The following NTM variants were observed in gnomAD, a reference collection of about 807,000 sequenced individuals.
NTM encodes the protein IgLON family member 2.
NTM carries 13 observed loss-of-function variants against 42.1 expected under a neutral mutation model. That is an observed-to-expected ratio of 0.31 (90% CI 0.20 to 0.49). The LOEUF is 0.49. Among genes scored for constraint, NTM ranks in the 20% least tolerant of loss-of-function variants. The probability of loss-of-function intolerance (pLI) is 0.99; values close to 1 mark genes in which losing one functional copy is unlikely to be tolerated. For missense variants in NTM, 373 were observed against 452.8 expected, an observed-to-expected ratio of 0.82 and a Z score of 1.60; for synonymous variants, 187 against 179.2, an observed-to-expected ratio of 1.04 and a Z score of -0.35.
At position 131,896,655 on chromosome 11, in the gene NTM, A is replaced by T. The variant is rs372371527; in HGVS notation, c.83-14909A>T. On this transcript the variant is annotated intron_variant, in intron 1 of 8. Coordinates refer to ENST00000683400, the MANE Select transcript of NTM (RefSeq NM_001352005.2). ...ACCTGGCAAGAATATCTGTGTTTAC[A>T]TGCCAAATGGAGTACATTTTAGGCT... Among the ~76,000 whole-genome samples, 22 of 149,898 alleles carry T rather than the reference A, an allele frequency of 1.5e-4. No homozygotes were observed. In the East Asian group the frequency reaches 3.7e-3, roughly 25 times the overall value.
chr11:131,527,268 T>C (rs960940652), intron 1 of NTM, among the ~76,000 whole-genome samples: 4 of 152,192 alleles, frequency 2.6e-5, no homozygotes, highest in African/African-American at 9.6e-5. Context: ...GATGCCCTCA[T>C]TCCCTACAAA....
intron 2 of NTM, among the ~76,000 whole-genome samples, chr11:131,968,613 T>C (rs1364810001): frequency 6.6e-6 from 1 of 152,186 alleles, no homozygotes; most frequent in African/African-American, 2.4e-5. Context: ...CCTGACTCCA[T>C]GTGCTTTCCT....
chr11:132,300,307 T>A (rs547909580), intron 4 of NTM, among the ~76,000 whole-genome samples: 27 of 152,378 alleles, frequency 1.8e-4, no homozygotes, highest in Non-Finnish European at 3.2e-4. Flanking sequence ...GAGAGCTTCC[T>A]ATATGCTAAG....
intron 2 of NTM, among the ~76,000 whole-genome samples, chr11:132,139,504 G>C (rs770947977): frequency 2.6e-5 from 4 of 152,212 alleles, no homozygotes; most frequent in Non-Finnish European, 4.4e-5. Flanking sequence ...AGTTTGTTTT[G>C]AGAGGATACT....
At chr11:132,231,255 T>C (rs757383425) in intron 4 of NTM, among the ~76,000 whole-genome samples, 1 of 152,240 alleles carries the variant, frequency 6.6e-6, no homozygotes, top group African/African-American at 2.4e-5. Context: ...GAGTTTGGCC[T>C]ATACTATTCT....
chr11:131,855,008 T>C (rs11827555), intron 1 of NTM, among the ~76,000 whole-genome samples: 14,625 of 152,108 alleles, frequency 0.096, 803 homozygotes, highest in Middle Eastern at 0.13. Context: ...AAGATGCGGA[T>C]GTGTGGGACC....
chr11:132,314,528 T>C, intron 6 of NTM, 24 bp from the exon 7 acceptor site: 1 of 1,597,256 alleles, frequency 6.3e-7, no homozygotes, highest in Non-Finnish European at 8.5e-7. Flanking sequence ...TGTTTTCTTC[T>C]TTTTTGTCTT....
intron 1 of NTM, chr11:131,535,241 G>A (rs1165802144): frequency 5.3e-5 from 8 of 152,226 alleles, no homozygotes; most frequent in African/African-American, 1.2e-4. Flanking sequence ...GCTAGTGGAG[G>A]CAGGGGAACA....
At chr11:131,384,724 A>G (rs143054542) in intron 1 of NTM, among the ~76,000 whole-genome samples, 1 of 152,324 alleles carries the variant, frequency 6.6e-6, no homozygotes, top group Non-Finnish European at 1.5e-5. Flanking sequence ...CTTGAAAAGA[A>G]GAAGAAAGAC....
At chr11:132,237,665 G>A (rs994499546) in intron 4 of NTM, among the ~76,000 whole-genome samples, 8 of 151,946 alleles carry the variant, frequency 5.3e-5, no homozygotes, top group African/African-American at 1.9e-4. Flanking sequence ...CCCTCTCTCT[G>A]GAACCCACAG....
intron 3 of NTM, among the ~76,000 whole-genome samples, chr11:132,201,441 A>C (rs999696357): frequency 2.0e-5 from 3 of 152,214 alleles, no homozygotes; most frequent in Non-Finnish European, 4.4e-5. Flanking sequence ...CCAGATGCCA[A>C]AAGAGCGAAA....
intron 1 of NTM, among the ~76,000 whole-genome samples, chr11:131,885,201 A>G (rs1173787585): frequency 3.9e-5 from 6 of 152,204 alleles, no homozygotes. Flanking sequence ...ATCCAAGCTG[A>G]GCACCTAATG....
At position 132,146,543 on chromosome 11, in the gene NTM, C is replaced by T; in HGVS notation, c.400+29C>T. ...GGTGGGCGGGGCTTGGCGGGGAGAT[C>T]TGGCTGGCCAGCCTGGAAAGCCTTC... is the stretch of plus-strand genomic sequence containing the variant. On this transcript the variant is annotated intron_variant, in intron 3 of 8. Transcript: ENST00000683400. This position sits in a 1 kb window ranked among gnomAD's most constrained non-coding sequence, Gnocchi z 4.5. 6.2e-7 allele frequency: 1 copy of T among 1,607,680 alleles called. No individual in the cohort carries two copies. The highest frequency in any genetic ancestry group is 8.5e-7 in the Non-Finnish European group (1 of 1,175,418).
intron 1 of NTM, among the ~76,000 whole-genome samples, chr11:131,434,363 A>C (rs1395934779): frequency 6.6e-6 from 1 of 152,192 alleles, no homozygotes; most frequent in Non-Finnish European, 1.5e-5. Context: ...GAATTGCCAC[A>C]CTGTCTTCCA....
At position 132,284,068 on chromosome 11, in the gene NTM, G is replaced by A. The variant is rs150603521; in HGVS notation, c.527-23621G>A. 2.9e-4 allele frequency among the ~76,000 whole-genome samples: 44 copies of A among 152,282 alleles called. No homozygotes were observed. In the East Asian group the frequency reaches 7.8e-3, roughly 27 times the overall value. The stretch of plus-strand genomic sequence containing the variant: ...CCAAAGGACTGTCCCAGCCCCTGGG[G>A]CCTCAGCCCCAGGATCCCTAGAGGA... On this transcript the variant is annotated intron_variant, in intron 4 of 8. Transcript: ENST00000683400.
intron 1 of NTM, among the ~76,000 whole-genome samples, chr11:131,602,261 A>G (rs1232854112): frequency 6.6e-6 from 1 of 152,088 alleles, no homozygotes; most frequent in Admixed American, 6.6e-5. Flanking sequence ...AAACCCACCT[A>G]TCTCCAACAT....
At chr11:132,176,721 A>ATTTTT (rs2076866542) in intron 3 of NTM, among the ~76,000 whole-genome samples, 2 of 65,396 alleles carry the variant, frequency 3.1e-5, no homozygotes, top group African/African-American at 5.1e-5. Flanking sequence ...ACATGCCTAA[A>ATTTTT]GTTTTTTTTT....
chr11:131,846,708 T>G (rs1310043700), intron 1 of NTM, among the ~76,000 whole-genome samples: 1 of 152,060 alleles, frequency 6.6e-6, no homozygotes. Context: ...TGGAAATGTA[T>G]GTATTATTTA....
rs11418861 is a variant in NTM at position 131,983,052 on chromosome 11, AT to A, written c.167+71419del. On this transcript the variant is annotated intron_variant, in intron 2 of 8. Coordinates refer to ENST00000683400, the MANE Select transcript of NTM (RefSeq NM_001352005.2). Reference sequence around the variant, plus strand: ...TTCCTTAGCTACTCAAAGGAAAATGATTTTTTTTTTTTTTTAGTCATACTAC... The same window carrying A: ...TTCCTTAGCTACTCAAAGGAAAATGATTTTTTTTTTTTTTAGTCATACTAC... Among the ~76,000 whole-genome samples the A allele has an allele frequency of 4.0e-3, 583 of 145,114 alleles. 1 individual carries two copies. Among genetic ancestry groups the A allele is most frequent in the Middle Eastern group, 7.2e-3 (2 of 276 alleles).
Sources: allele counts gnomAD v4.1 joint callset (sites outside exome capture counted in the v4.1 genomes callset), GRCh38; gene constraint gnomAD v4.1.1; non-coding constraint Gnocchi (gnomAD v3.1); transcripts MANE v1.5; gene names NCBI Gene and HGNC (gene_info 2026-07-23, HGNC 2026-07-21).